The following PNLIP variants were observed in gnomAD, a reference collection of about 807,000 sequenced individuals.
The protein encoded by PNLIP is pancreatic triacylglycerol lipase.
A neutral mutation model predicts 57.1 loss-of-function variants in PNLIP; 49 were observed. The observed-to-expected ratio is 0.86, with a 90% CI of 0.68 to 1.09. The LOEUF (loss-of-function observed/expected upper bound fraction) is 1.09, where lower values mean the gene tolerates loss of function less well. Among genes scored for constraint, PNLIP ranks in the 50% least tolerant of loss-of-function variants. The pLI, the probability that PNLIP is intolerant of heterozygous loss-of-function variation, is 0.00. For synonymous variants in PNLIP, 209 were observed against 200.4 expected (o/e 1.04, Z -0.36); for missense variants, 503 against 570.2 (o/e 0.88, Z 1.20).
At chr10:116,560,067 A>G (rs1466058290) in intron 10 of PNLIP, among the ~76,000 whole-genome samples, 1 of 152,208 alleles carries the variant, frequency 6.6e-6, no homozygotes, top group Non-Finnish European at 1.5e-5. Flanking sequence ...ACAGTTCACA[A>G]TTTTACAACT....
intron 10 of PNLIP, among the ~76,000 whole-genome samples, chr10:116,559,827 T>G (rs1305796356): frequency 6.6e-6 from 1 of 152,208 alleles, no homozygotes; most frequent in African/African-American, 2.4e-5. Flanking sequence ...TTTTAAATAC[T>G]AATGACAAAT....
intron 12 of PNLIP, among the ~76,000 whole-genome samples, chr10:116,566,028 C>T (rs1236096397): frequency 2.0e-5 from 3 of 152,158 alleles, no homozygotes; most frequent in African/African-American, 4.8e-5. Context: ...AGGCTGGTCT[C>T]GAACCCCTGA....
At chr10:116,560,111 G>A (rs1048810298) in intron 10 of PNLIP, among the ~76,000 whole-genome samples, 1 of 151,546 alleles carries the variant, frequency 6.6e-6, no homozygotes, top group Middle Eastern at 3.2e-3. Context: ...AACTTTCAAG[G>A]ATAAATTGTC....
rs536858399 is a variant in PNLIP at position 116,554,773 on chromosome 10, C to T, written c.572-405C>T. 2.0e-5 allele frequency among the ~76,000 whole-genome samples: 3 copies of T among 152,296 alleles called. No homozygotes were observed. In the South Asian group the frequency reaches 6.2e-4, roughly 32 times the overall value. The stretch of plus-strand genomic sequence containing the variant: ...TCTTTTCCACAGTCTGTAAATGTTT[C>T]TTTCCCACAGCCTGCTCGGCCAGGT... On this transcript the variant is annotated intron_variant, in intron 6 of 12. Coordinates refer to ENST00000369221, the MANE Select transcript of PNLIP (RefSeq NM_000936.4).
chr10:116,562,740 C>T (rs1157602390), intron 12 of PNLIP, among the ~76,000 whole-genome samples: 1 of 152,172 alleles, frequency 6.6e-6, no homozygotes, highest in Non-Finnish European at 1.5e-5. Flanking sequence ...AATAGTTCCC[C>T]TACTTTTGCA....
At chr10:116,565,891 C>G (rs1223866429) in intron 12 of PNLIP, among the ~76,000 whole-genome samples, 3 of 152,222 alleles carry the variant, frequency 2.0e-5, no homozygotes, top group Non-Finnish European at 4.4e-5. Context: ...CTCACTGAAC[C>G]TCCATCTCCT....
chr10:116,547,682 C>T (rs145418984), intron 3 of PNLIP, among the ~76,000 whole-genome samples: 231 of 145,910 alleles, frequency 1.6e-3, no homozygotes, highest in Non-Finnish European at 2.3e-3. Context: ...GCCGAGATCG[C>T]GCCACTGCAC....
chr10:116,547,235 C>A, intron 2 of PNLIP, 59 bp from the exon 3 acceptor site: 1 of 1,517,996 alleles, frequency 6.6e-7, no homozygotes, highest in Non-Finnish European at 9.1e-7. Context: ...CATATATTGG[C>A]AGACAGATCA....
Position 116,548,277 on chromosome 10 carries a change from C to T in PNLIP, c.202-83C>T, listed in dbSNP as rs933221704. ...AAGGATCCTGAATCCTAGCAGTCTT[C>T]TACTTACTGCCCCTCTCCATGTACA... On this transcript the variant is annotated intron_variant, in intron 3 of 12. Transcript: ENST00000369221. 3.0e-6 allele frequency: 4 copies of T among 1,351,876 alleles called. No individual in the cohort carries two copies. The African/African-American group carries it at 5.8e-5, about 20-fold the overall frequency. 83.7% of individuals were successfully genotyped at this position (1,351,876 alleles called of 1,614,324 possible). A position where few individuals can be genotyped will look rare whatever the true frequency, so the allele number is the denominator to read the frequency against.
At chr10:116,557,637 T>A (rs1847266903) in intron 9 of PNLIP, among the ~76,000 whole-genome samples, 1 of 152,144 alleles carries the variant, frequency 6.6e-6, no homozygotes. Flanking sequence ...CTGGATTTTG[T>A]TGAATGCCAA....
At position 116,553,744 on chromosome 10, in the gene PNLIP, A is replaced by C. The variant is rs1564725305; in HGVS notation, c.477A>C (p.Ser159=). 6.2e-7 allele frequency: 1 copy of C among 1,612,086 alleles called. No homozygotes were observed. Among genetic ancestry groups the C allele is most frequent in the East Asian group, 2.2e-5 (1 of 44,820 alleles). ...VEFLQSAFGY[S]PSNVHVIGHS... ...TCCGACAGTCGGCGTTCGGTTACTCACCTTCCAATGTGCATGTCATTGGCC... is the reference window on the plus strand; with the variant it reads ...TCCGACAGTCGGCGTTCGGTTACTCCCCTTCCAATGTGCATGTCATTGGCC... The change falls in exon 6 of 13, where the codon TCA becomes TCC. Residue 159 remains serine (S), a synonymous_variant. Coordinates refer to ENST00000369221, the MANE Select transcript of PNLIP (RefSeq NM_000936.4).
chr10:116,548,480 A>T lies in PNLIP; in HGVS notation c.322A>T (p.Lys108Ter). The change falls in exon 4 of 13, where the codon AAG becomes TAG. Residue 108 changes from lysine to a stop codon, truncating the protein, a stop_gained and splice_region_variant. Transcript: ENST00000369221. LOFTEE classifies it high-confidence loss of function. ...AGAAAACTGGCTGGCCAATGTGTGC[A>T]AGGTGAGATGTGGTCATCTCTCAAG... The part of the protein sequence containing the change: ...GEENWLANVC[K>*]NLFKVESVNC... 6.2e-7 allele frequency: 1 copy of T among 1,613,700 alleles called. No individual in the cohort carries two copies. Among genetic ancestry groups the T allele is most frequent in the Non-Finnish European group, 8.5e-7 (1 of 1,179,770 alleles).
At chr10:116,546,443 A>G (rs1399045784) in intron 2 of PNLIP, among the ~76,000 whole-genome samples, 2 of 152,204 alleles carry the variant, frequency 1.3e-5, no homozygotes, top group African/African-American at 4.8e-5. Flanking sequence ...TTGATTTGCT[A>G]AATCTAGCAA....
chr10:116,551,063 A>T, intron 4 of PNLIP, 35 bp from the exon 5 acceptor site: 1 of 1,509,536 alleles, frequency 6.6e-7, no homozygotes, highest in Non-Finnish European at 8.9e-7. Context: ...AAAGATCCTG[A>T]ATTATTTATC....
chr10:116,547,433 C>A lies in PNLIP; in HGVS notation c.186C>A (p.Asn62Lys). Residue 62 changes from asparagine (N) to lysine (K), a missense_variant, in exon 3 of 13, where the codon AAC (asparagine) becomes AAA (lysine). Physicochemically the swap from Asn to Lys is moderately conservative, Grantham distance 94 (BLOSUM62 0). Coordinates refer to ENST00000369221, the MANE Select transcript of PNLIP (RefSeq NM_000936.4). ...NTRFLLYTNE[N>K]PNNFQEVAAD... Reference sequence around the variant, plus strand: ...GCTTCCTCCTATATACTAATGAGAACCCAAACAACTTTCAAGTAAGAACTA... The same window carrying A: ...GCTTCCTCCTATATACTAATGAGAAACCAAACAACTTTCAAGTAAGAACTA... The A allele has an allele frequency of 6.2e-7, 1 of 1,612,120 alleles. No individual in the cohort carries two copies. The highest frequency in any genetic ancestry group is 8.5e-7 in the Non-Finnish European group (1 of 1,179,458).
At chr10:116,558,138 A>C (rs182194462) in intron 9 of PNLIP, among the ~76,000 whole-genome samples, 1 of 151,066 alleles carries the variant, frequency 6.6e-6, no homozygotes, top group African/African-American at 2.4e-5. Flanking sequence ...CTCCTAATAA[A>C]TTCTATTTTG....
chr10:116,549,037 C>T lies in PNLIP; in HGVS notation c.324+555C>T, dbSNP rs539091443. Among the ~76,000 whole-genome samples, 23 of 152,266 alleles carry T rather than the reference C, an allele frequency of 1.5e-4. No homozygotes were observed. The South Asian group carries it at 3.9e-3, about 26-fold the overall frequency. On this transcript the variant is annotated intron_variant, in intron 4 of 12. Transcript: ENST00000369221. ...AAAGAAGAATGAAAAGACAGAAAAT[C>T]AAATAGAATAAATTTTCCTAGTAAC...
chr10:116,555,352 A>G, intron 7 of PNLIP, 36 bp from the exon 8 acceptor site: 2 of 1,614,146 alleles, frequency 1.2e-6, no homozygotes, highest in Non-Finnish European at 1.7e-6. Context: ...GTCTATATAC[A>G]TTAGCATAAA....
At chr10:116,555,042 A>G (rs747480300) in intron 6 of PNLIP, 136 bp from the exon 7 acceptor site, 1 of 951,968 alleles carries the variant, frequency 1.1e-6, no homozygotes, top group South Asian at 1.6e-5. Flanking sequence ...GCAAATAGCT[A>G]GAAGTAGATT....
Sources: gnomAD v4.1 joint callset for allele counts (sites outside exome capture counted in the v4.1 genomes callset) on GRCh38, gnomAD v4.1.1 for gene constraint, MANE v1.5 for transcripts, NCBI Gene and HGNC (gene_info 2026-07-23, HGNC 2026-07-21) for gene names.